The following GTPBP4 variants were observed in gnomAD, a reference collection of about 807,000 sequenced individuals.
GTPBP4 encodes GTP-binding protein 4.
A neutral mutation model predicts 81.7 loss-of-function variants in GTPBP4; 15 were observed. The observed-to-expected ratio is 0.18, with a 90% CI of 0.12 to 0.28. The LOEUF (loss-of-function observed/expected upper bound fraction) is 0.28. Among genes scored for constraint, GTPBP4 ranks in the 10% least tolerant of loss-of-function variants. The pLI is 1.00. For synonymous variants in GTPBP4, 272 were observed against 274.6 expected (o/e 0.99, Z 0.09); for missense variants, 847 against 793.8 (o/e 1.07, Z -0.81).
In GTPBP4 at chr10:996,179, G is replaced by A. The variant is rs552497669; in HGVS notation, c.397G>A (p.Ala133Thr). The change falls in exon 4 of 17, where the codon GCC becomes ACC. Residue 133 changes from alanine (A) to threonine (T), a missense_variant. Around this residue, in one of 3 missense-constraint regions of GTPBP4, gnomAD observed 241 missense variants for 216.3 expected, o/e 1.11. Transcript: ENST00000360803. The stretch of plus-strand genomic sequence containing the variant: ...CCGCTGCAAACAGCTGAAGCGTGCG[G>A]CCCTGGGACGGATGTGCACAGTGAT... Reference protein sequence around the residue: ...LYRCKQLKRAALGRMCTVIKR... With the variant: ...LYRCKQLKRATLGRMCTVIKR... 6.2e-7 allele frequency: 1 copy of A among 1,614,024 alleles called. No homozygotes were observed. The highest frequency in any genetic ancestry group is 1.1e-5 in the South Asian group (1 of 91,060).
In GTPBP4 at chr10:1,019,447, A is replaced by G. The variant is rs1161548277; in HGVS notation, c.*2220A>G. 5.5e-6 allele frequency: 7 copies of G among 1,279,228 alleles called. No individual in the cohort carries two copies. Among genetic ancestry groups the G allele is most frequent in the East Asian group, 5.0e-5 (2 of 40,120 alleles). 79.2% of individuals were successfully genotyped at this position (1,279,228 alleles called of 1,614,324 possible). Reference sequence around the variant, plus strand: ...TTGCCCTGTTTTTTGGAGAGGGTGTATCATTGCCTCAATGGTGCGTCTGCC... The same window carrying G: ...TTGCCCTGTTTTTTGGAGAGGGTGTGTCATTGCCTCAATGGTGCGTCTGCC... On this transcript the variant is annotated 3_prime_UTR_variant, in exon 17 of 17. Transcript: ENST00000360803.
At chr10:1,007,860 A>G in intron 10 of GTPBP4, 1 of 513,374 alleles carries the variant, frequency 1.9e-6, no homozygotes, top group Non-Finnish European at 3.9e-6. Context: ...GCGGTTGAGC[A>G]TGTTTGTCTG....
chr10:1,000,742 C>G lies in GTPBP4; in HGVS notation c.720C>G (p.Ala240=), dbSNP rs1383729154. The change falls in exon 7 of 17, where the codon GCC becomes GCG. Residue 240 remains alanine, a synonymous_variant. Transcript: ENST00000360803. ...ATAGGAACACCATCGAGATGCAGGC[C>G]ATCACTGCCCTGGCCCACCTCCGTG... ...LEDRNTIEMQ[A]ITALAHLRAA... is the part of the protein sequence containing the mutation. 1.9e-6 allele frequency: 3 copies of G among 1,595,218 alleles called. No homozygotes were observed. In the Admixed American group the frequency reaches 5.2e-5, roughly 28 times the overall value.
At chr10:999,485 A>G (rs1831586787) in intron 6 of GTPBP4, among the ~76,000 whole-genome samples, 1 of 152,232 alleles carries the variant, frequency 6.6e-6, no homozygotes. Flanking sequence ...TTTCTCCATC[A>G]TCATAAAGAA....
At chr10:994,285 T>C (rs988250148) in intron 2 of GTPBP4, among the ~76,000 whole-genome samples, 1 of 133,942 alleles carries the variant, frequency 7.5e-6, no homozygotes, top group Non-Finnish European at 1.6e-5. Flanking sequence ...TGTTTGTTTG[T>C]TTTGAGACAG....
intron 13 of GTPBP4, among the ~76,000 whole-genome samples, chr10:1,011,586 A>G (rs990973258): frequency 6.7e-6 from 1 of 148,844 alleles, no homozygotes; most frequent in Non-Finnish European, 1.5e-5. Flanking sequence ...TGCATGTCCC[A>G]TGTTGCCACT....
At chr10:1,008,432 C>G in intron 10 of GTPBP4, 1 of 334,398 alleles carries the variant, frequency 3.0e-6, no homozygotes, top group Non-Finnish European at 5.9e-6. Context: ...TTTATACTAG[C>G]ATTAAAAATT....
intron 8 of GTPBP4, among the ~76,000 whole-genome samples, chr10:1,002,371 T>C (rs1048313188): frequency 5.9e-5 from 9 of 152,254 alleles, no homozygotes; most frequent in South Asian, 2.1e-4. Context: ...TGTTTTTGAC[T>C]TAAAATCTGC....
At chr10:997,052 A>G (rs1831548566) in intron 4 of GTPBP4, 156 bp from the exon 5 acceptor site, 1 of 648,964 alleles carries the variant, frequency 1.5e-6, no homozygotes, top group East Asian at 2.6e-5. Flanking sequence ...GTATACTATT[A>G]CTTTCTGCAA....
rs187274639 is a variant in GTPBP4 at position 989,979 on chromosome 10, C to G, written c.48+1452C>G. Among the ~76,000 whole-genome samples, 344 of 152,262 alleles carry G rather than the reference C, an allele frequency of 2.3e-3. 4 individuals are homozygous for G. The highest frequency in any genetic ancestry group is 2.9e-3 in the Non-Finnish European group (196 of 68,010). On this transcript the variant is annotated intron_variant, in intron 1 of 16. Transcript: ENST00000360803. ...CTTGAACTCCTAATCTCAAGTGATTCACTTGCCTCAGCCTCCCAAAGTGTT... is the reference window on the plus strand; with the variant it reads ...CTTGAACTCCTAATCTCAAGTGATTGACTTGCCTCAGCCTCCCAAAGTGTT...
intron 1 of GTPBP4, among the ~76,000 whole-genome samples, chr10:990,176 ATATAT>A (rs1831417084): frequency 6.6e-6 from 1 of 152,188 alleles, no homozygotes; most frequent in Non-Finnish European, 1.5e-5. Flanking sequence ...GAACTTTAGA[ATATAT>A]TATACACCAT....
rs143526794 is a variant in GTPBP4 at position 1,006,671 on chromosome 10, C to T, written c.1003-347C>T. Among the ~76,000 whole-genome samples, 47 of 151,760 alleles carry T rather than the reference C, an allele frequency of 3.1e-4. No homozygotes were observed. The East Asian group carries it at 6.9e-3, about 22-fold the overall frequency. ...AAGATGGCACTCCTGATGCCATGGTCGCACTCAGGATTTAAAAAGATGGCA... is the reference window on the plus strand; with the variant it reads ...AAGATGGCACTCCTGATGCCATGGTTGCACTCAGGATTTAAAAAGATGGCA... On this transcript the variant is annotated intron_variant, in intron 9 of 16. Transcript: ENST00000360803.
chr10:997,051 T>C lies in GTPBP4; in HGVS notation c.461-157T>C, dbSNP rs1831548520. ...ATTGAATATACTATGTGTATACTAT[T>C]ACTTTCTGCAACTATTTTCTCCATC... is the stretch of plus-strand genomic sequence containing the variant. On this transcript the variant is annotated intron_variant, in intron 4 of 16. Coordinates refer to ENST00000360803, the MANE Select transcript of GTPBP4 (RefSeq NM_012341.3). 2.6e-5 allele frequency: 17 copies of C among 647,356 alleles called. No individual in the cohort carries two copies. The Admixed American group carries it at 4.3e-4, about 16-fold the overall frequency. The allele number at this position is 647,356 out of a possible 1,614,324, so 40.1% of individuals were successfully genotyped here. A position where few individuals can be genotyped will look rare whatever the true frequency, so the allele number is the denominator to read the frequency against.
In GTPBP4 at chr10:1,017,414, A is replaced by G. The variant is rs1832012896; in HGVS notation, c.*187A>G. 4.5e-6 allele frequency: 2 copies of G among 446,324 alleles called. No individual in the cohort carries two copies. The highest frequency in any genetic ancestry group is 3.3e-5 in the East Asian group (1 of 29,964). The allele number at this position is 446,324 out of a possible 1,614,324, so 27.6% of individuals were successfully genotyped here. A position where few individuals can be genotyped will look rare whatever the true frequency, so the allele number is the denominator to read the frequency against. ...TGGGAAATTTTTGTCACTGCATAAT[A>G]TTACAAATATTTTGAGTAGACAGTG... On this transcript the variant is annotated 3_prime_UTR_variant, in exon 17 of 17. Coordinates refer to ENST00000360803, the MANE Select transcript of GTPBP4 (RefSeq NM_012341.3).
At position 998,990 on chromosome 10, in the gene GTPBP4, T is replaced by C. The variant is rs755984227; in HGVS notation, c.562-13T>C. On this transcript the variant is annotated splice_polypyrimidine_tract_variant and intron_variant, in intron 5 of 16. Coordinates refer to ENST00000360803, the MANE Select transcript of GTPBP4 (RefSeq NM_012341.3). The stretch of plus-strand genomic sequence containing the variant: ...GGAAATGAGGTGATTCTGAAAGTTC[T>C]CACTTGTTCCAGGTGACGAGAGCAG... 8.1e-6 allele frequency: 12 copies of C among 1,485,984 alleles called. No homozygotes were observed. In the Admixed American group the frequency reaches 1.3e-4, roughly 17 times the overall value. 92.0% of individuals were successfully genotyped at this position (1,485,984 alleles called of 1,614,324 possible). A position where few individuals can be genotyped will look rare whatever the true frequency, so the allele number is the denominator to read the frequency against.
At chr10:1,002,344 T>A (rs1418074040) in intron 8 of GTPBP4, among the ~76,000 whole-genome samples, 1 of 152,236 alleles carries the variant, frequency 6.6e-6, no homozygotes, top group Non-Finnish European at 1.5e-5. Flanking sequence ...TATAATGACC[T>A]TCTTGTCTCT....
chr10:1,018,548 C>G lies in GTPBP4; in HGVS notation c.*1321C>G, dbSNP rs1832030058. ...GTATGGCCGGGCGCGGCAGCTCATGCCTGTAATCCCAGCACTTTGGGAGGC... is the reference window on the plus strand; with the variant it reads ...GTATGGCCGGGCGCGGCAGCTCATGGCTGTAATCCCAGCACTTTGGGAGGC... On this transcript the variant is annotated 3_prime_UTR_variant, in exon 17 of 17. Transcript: ENST00000360803. The G allele has an allele frequency of 6.6e-6, 1 of 150,646 alleles. No homozygotes were observed. The highest frequency in any genetic ancestry group is 2.1e-4 in the South Asian group (1 of 4,778). The allele number at this position is 150,646 out of a possible 1,614,324, so 9.3% of individuals were successfully genotyped here.
chr10:1,002,166 G>A (rs1382227412), intron 8 of GTPBP4, among the ~76,000 whole-genome samples: 4 of 152,040 alleles, frequency 2.6e-5, no homozygotes, highest in Admixed American at 2.0e-4. Context: ...CAAGTGATCC[G>A]CCCACCTTGG....
Position 1,005,857 on chromosome 10 carries a change from A to T in GTPBP4, c.952A>T (p.Ile318Leu). 6.2e-7 allele frequency: 1 copy of T among 1,606,214 alleles called. No homozygotes were observed. The highest frequency in any genetic ancestry group is 1.1e-5 in the South Asian group (1 of 90,336). The change falls in exon 9 of 17, where the codon ATA (isoleucine) becomes TTA (leucine). Residue 318 changes from isoleucine (I) to leucine (L), a missense_variant. By Grantham distance (5) the Ile-to-Leu change is conservative. Around this residue, in one of 3 missense-constraint regions of GTPBP4, gnomAD observed 600 missense variants for 557.1 expected, o/e 1.08. Transcript: ENST00000360803. ...TTTGCAGTCTGAAGGATTCCCTGTA[A>T]TAGAGACCAGCACCCTGACTGAGGA... Reference protein sequence around the residue: ...TDLQSEGFPVIETSTLTEEGV... With the variant: ...TDLQSEGFPVLETSTLTEEGV...
Sources: gnomAD v4.1 joint callset for allele counts (sites outside exome capture counted in the v4.1 genomes callset) on GRCh38, gnomAD v4.1.1 for gene constraint, gnomAD v4.1.1 regional missense constraint, MANE v1.5 for transcripts, NCBI Gene and HGNC (gene_info 2026-07-23, HGNC 2026-07-21) for gene names.